The following SVOP variants were observed in gnomAD, a reference collection of about 807,000 sequenced individuals.
The protein encoded by SVOP is SV2 related protein.
Under a neutral mutation model 69.1 loss-of-function variants are expected in SVOP, and 17 were observed. That is an observed-to-expected ratio of 0.25 (90% CI 0.17 to 0.37). The LOEUF is 0.37. SVOP is among the 10% of genes least tolerant of loss of function. The probability of loss-of-function intolerance (pLI) is 1.00; values close to 1 mark genes in which losing one functional copy is unlikely to be tolerated. For synonymous variants in SVOP, 238 were observed against 238.6 expected (o/e 1.00, Z 0.02); for missense variants, 435 against 597.5 (o/e 0.73, Z 2.84).
chr12:108,997,613 T>A (rs1398307767), intron 1 of SVOP, among the ~76,000 whole-genome samples: 1 of 151,742 alleles, frequency 6.6e-6, no homozygotes, highest in African/African-American at 2.4e-5. Context: ...GCTGGAGATC[T>A]GAGAACGGGC....
chr12:108,993,289 T>A (rs1314031851), intron 1 of SVOP, among the ~76,000 whole-genome samples: 9 of 149,322 alleles, frequency 6.0e-5, no homozygotes, highest in Non-Finnish European at 7.4e-5. Flanking sequence ...ATTACAGATG[T>A]AAGCCATGGT....
intron 1 of SVOP, among the ~76,000 whole-genome samples, chr12:109,015,869 A>G (rs1344878975): frequency 6.6e-6 from 1 of 152,156 alleles, no homozygotes; most frequent in Non-Finnish European, 1.5e-5. Context: ...TTCCGGCCAA[A>G]TGGGACAAAT....
chr12:109,010,190 T>C (rs1300608102), intron 1 of SVOP, among the ~76,000 whole-genome samples: 8 of 151,804 alleles, frequency 5.3e-5, no homozygotes, highest in African/African-American at 1.5e-4. Context: ...CCAGAATAAC[T>C]GACATGATCC....
At chr12:108,970,487 TG>T (rs2040072742) in intron 5 of SVOP, among the ~76,000 whole-genome samples, 1 of 152,214 alleles carries the variant, frequency 6.6e-6, no homozygotes, top group Admixed American at 6.5e-5. Flanking sequence ...ATTTGCTAGT[TG>T]TAGTGGAGAT....
At chr12:108,971,361 C>G (rs139413004) in intron 5 of SVOP, among the ~76,000 whole-genome samples, 1 of 150,154 alleles carries the variant, frequency 6.7e-6, no homozygotes, top group East Asian at 2.0e-4. Context: ...CCCAGGAGGC[C>G]GAGGTTGCAG....
At chr12:108,932,539 T>A (rs2039827865) in intron 11 of SVOP, among the ~76,000 whole-genome samples, 2 of 152,156 alleles carry the variant, frequency 1.3e-5, no homozygotes, top group South Asian at 4.2e-4. Context: ...CAAACTGAAA[T>A]CAGTTAAGAG....
chr12:108,978,027 GC>G (rs551520199), intron 3 of SVOP, among the ~76,000 whole-genome samples: 1 of 152,176 alleles, frequency 6.6e-6, no homozygotes, highest in South Asian at 2.1e-4. Flanking sequence ...CTAGAAGCAT[GC>G]CCATGTCTTG....
chr12:108,930,482 G>A (rs935975174), intron 11 of SVOP, among the ~76,000 whole-genome samples: 1 of 148,524 alleles, frequency 6.7e-6, no homozygotes, highest in Non-Finnish European at 1.5e-5. Flanking sequence ...TTGTTGCCCA[G>A]GCTGGAGTGC....
chr12:109,007,373 A>C (rs554660632), intron 1 of SVOP, among the ~76,000 whole-genome samples: 1 of 152,336 alleles, frequency 6.6e-6, no homozygotes, highest in African/African-American at 2.4e-5. Context: ...ATTTGAGAAG[A>C]GTCTTCCCAG....
rs1236699930 is a variant in SVOP, at chr12:108,910,058, C to T, written c.*2477G>A. ...CACTGCAAGCTCTGCCTCCTGGGTTCACGCCATTCTCCGGCCTCAGCCTCC... is the reference window on the plus strand; with the variant it reads ...CACTGCAAGCTCTGCCTCCTGGGTTTACGCCATTCTCCGGCCTCAGCCTCC... On this transcript the variant is annotated 3_prime_UTR_variant, in exon 16 of 16. Transcript: ENST00000610966. 6.6e-6 allele frequency: 1 copy of T among 152,212 alleles called. No homozygotes were observed. The highest frequency in any genetic ancestry group is 1.5e-5 in the Non-Finnish European group (1 of 68,120). 9.4% of individuals were successfully genotyped at this position (152,212 alleles called of 1,614,324 possible).
chr12:108,962,960 A>G (rs887329356), intron 5 of SVOP, among the ~76,000 whole-genome samples: 4 of 152,102 alleles, frequency 2.6e-5, no homozygotes, highest in African/African-American at 9.7e-5. Context: ...GTGAGACTCT[A>G]TCTCAAAACA....
rs143181911 is a variant in SVOP, at chr12:108,940,643, C to A, written c.768+141G>T. 8.1e-4 allele frequency: 1,040 copies of A among 1,290,220 alleles called. 8 individuals carry two copies. The African/African-American group carries it at 0.012, about 15-fold the overall frequency. The allele number at this position is 1,290,220 out of a possible 1,614,324, so 79.9% of individuals were successfully genotyped here. On this transcript the variant is annotated intron_variant, in intron 8 of 15. Transcript: ENST00000610966. Reference sequence around the variant, plus strand: ...ATACTGGGGCTACCCCAGGCCATAGCTCCCTTGTCTCATTTCCTGATTTAA... The same window carrying A: ...ATACTGGGGCTACCCCAGGCCATAGATCCCTTGTCTCATTTCCTGATTTAA...
chr12:108,922,454 A>T (rs1257571396), intron 12 of SVOP, among the ~76,000 whole-genome samples: 1 of 152,180 alleles, frequency 6.6e-6, no homozygotes, highest in South Asian at 2.1e-4. Flanking sequence ...CAGGAGTCTC[A>T]TGTCTTCTGC....
chr12:108,912,311 T>C lies in SVOP; in HGVS notation c.*224A>G, dbSNP rs2039689207. On this transcript the variant is annotated 3_prime_UTR_variant, in exon 16 of 16. Coordinates refer to ENST00000610966, the MANE Select transcript of SVOP (RefSeq NM_018711.5). ...TAGATCCACAGGTTATGAACAAAGC[T>C]TTCACCACATATACAGAGAACCCCC... 2.8e-6 allele frequency: 4 copies of C among 1,418,702 alleles called. No homozygotes were observed. Among genetic ancestry groups the C allele is most frequent in the Admixed American group, 5.8e-5 (2 of 34,256 alleles). The allele number at this position is 1,418,702 out of a possible 1,614,324, so 87.9% of individuals were successfully genotyped here.
intron 1 of SVOP, among the ~76,000 whole-genome samples, chr12:109,008,449 ATAAT>A (rs2040322007): frequency 6.6e-6 from 1 of 152,192 alleles, no homozygotes. Context: ...TTAGAAGTCT[ATAAT>A]TAATGGAAAT....
chr12:108,913,893 T>C (rs2039699798), intron 15 of SVOP, among the ~76,000 whole-genome samples: 1 of 152,048 alleles, frequency 6.6e-6, no homozygotes, highest in South Asian at 2.1e-4. Flanking sequence ...TCAAGTAATC[T>C]GCCCACCTCA....
At chr12:108,986,803 T>A (rs1259982043) in intron 1 of SVOP, among the ~76,000 whole-genome samples, 1 of 152,066 alleles carries the variant, frequency 6.6e-6, no homozygotes, top group African/African-American at 2.4e-5. Flanking sequence ...TAGGCATCAT[T>A]ATTTGATTTA....
At chr12:108,953,480 A>G (rs1379642000) in intron 6 of SVOP, among the ~76,000 whole-genome samples, 2 of 152,182 alleles carry the variant, frequency 1.3e-5, no homozygotes, top group African/African-American at 4.8e-5. Flanking sequence ...TTCAGAGTAC[A>G]TTACAAGGAC....
intron 2 of SVOP, among the ~76,000 whole-genome samples, chr12:108,981,246 G>C (rs2040133798): frequency 6.6e-6 from 1 of 152,218 alleles, no homozygotes; most frequent in South Asian, 2.1e-4. Flanking sequence ...AATCCTATGA[G>C]TTAAGGCCTA....
Sources: allele counts gnomAD v4.1 joint callset (sites outside exome capture counted in the v4.1 genomes callset), GRCh38; gene constraint gnomAD v4.1.1; transcripts MANE v1.5; gene names NCBI Gene and HGNC (gene_info 2026-07-23, HGNC 2026-07-21).